Variants in GON4L observed in about 807,000 individuals in gnomAD.
GON4L encodes the protein gon-4 like, also known as GON-4-like protein.
Under a neutral mutation model 211.8 loss-of-function variants are expected in GON4L, and 87 were observed. That is an observed-to-expected ratio of 0.41 (90% CI 0.35 to 0.49). The LOEUF (loss-of-function observed/expected upper bound fraction) is 0.49, where lower values mean the gene tolerates loss of function less well. Among genes scored for constraint, GON4L ranks in the 20% least tolerant of loss-of-function variants. The pLI, the probability that GON4L is intolerant of heterozygous loss-of-function variation, is 0.15. For missense variants in GON4L, 2,155 were observed against 2,659.5 expected (o/e 0.81, Z 4.17); for synonymous variants, 875 against 962.6 (o/e 0.91, Z 1.68).
intron 18 of GON4L, among the ~76,000 whole-genome samples, chr1:155,772,089 G>T (rs897022478): frequency 3.3e-5 from 5 of 151,922 alleles, no homozygotes; most frequent in African/African-American, 1.2e-4. Flanking sequence ...GGGGGCGAAG[G>T]TTGCAGTGAG....
At chr1:155,791,504 AAACTT>A (rs1665554887) in intron 12 of GON4L, among the ~76,000 whole-genome samples, 1 of 151,890 alleles carries the variant, frequency 6.6e-6, no homozygotes, top group Non-Finnish European at 1.5e-5. Context: ...AAAAAAAAAA[AAACTT>A]AAGAAACATC....
chr1:155,790,761 T>C (rs1282967167), intron 12 of GON4L, among the ~76,000 whole-genome samples: 12 of 150,328 alleles, frequency 8.0e-5, no homozygotes, highest in African/African-American at 2.4e-4. Flanking sequence ...CTGGCCAACA[T>C]GGTGAAACCC....
At chr1:155,748,272 T>A (rs141396002), downstream of GON4L, 385 of 1,238,824 alleles carry the variant, frequency 3.1e-4, 2 homozygotes, top group East Asian at 8.6e-3. Context: ...CACTGTCCTA[T>A]GCTTGTCCAG....
At chr1:155,790,380 G>T (rs1370939212) in intron 12 of GON4L, among the ~76,000 whole-genome samples, 3 of 142,386 alleles carry the variant, frequency 2.1e-5, no homozygotes, top group African/African-American at 7.9e-5. Flanking sequence ...TTACAGGCGT[G>T]AGCCACCATG....
chr1:155,788,761 TGTGA>T (rs1665207074), intron 12 of GON4L, among the ~76,000 whole-genome samples: 2 of 152,098 alleles, frequency 1.3e-5, no homozygotes, highest in Admixed American at 1.3e-4. Context: ...ATTCCATTTA[TGTGA>T]GGTTCTAAAA....
downstream of GON4L, chr1:155,745,745 C>T (rs555186265): frequency 4.8e-6 from 5 of 1,041,020 alleles, no homozygotes; most frequent in South Asian, 3.1e-5. Flanking sequence ...CAGTATAACA[C>T]CCGCCCACGC....
chr1:155,834,381 T>C (rs1670102265), intron 2 of GON4L, among the ~76,000 whole-genome samples: 1 of 152,214 alleles, frequency 6.6e-6, no homozygotes, highest in African/African-American at 2.4e-5. Flanking sequence ...TTGTCTTCAA[T>C]CCACTGCTCT....
In GON4L at chr1:155,776,416, G is replaced by A. The variant is rs997858143; in HGVS notation, c.2157C>T (p.Ala719=). Residue 719 remains alanine (A), a synonymous_variant, in exon 16 of 32, where the codon GCC becomes GCT. Coordinates refer to ENST00000368331, the MANE Select transcript of GON4L (RefSeq NM_001282860.2). ...ATCNPNLNPE[A]TTTRIFLKEL... Reference sequence around the variant, plus strand: ...TTACAAGAAATATCCTGGTGGTAGTGGCCTCCGGATTGAGGTTGGGGTTGC... The same window carrying A: ...TTACAAGAAATATCCTGGTGGTAGTAGCCTCCGGATTGAGGTTGGGGTTGC... 1 of 1,610,268 alleles carries A rather than the reference G, an allele frequency of 6.2e-7. No individual in the cohort carries two copies.
chr1:155,747,018 G>A (rs544972619), downstream of GON4L: 25 of 1,599,026 alleles, frequency 1.6e-5, no homozygotes, highest in Middle Eastern at 1.6e-4. Context: ...ACTGCGACTC[G>A]GTGAACAGAA....
chr1:155,829,110 T>C (rs1208482508), intron 2 of GON4L, among the ~76,000 whole-genome samples: 4 of 152,194 alleles, frequency 2.6e-5, no homozygotes. Context: ...GCAGTAGCAT[T>C]GTTATAGCTT....
chr1:155,765,166 C>T lies in GON4L; in HGVS notation c.4307G>A (p.Ser1436Asn). Residue 1436 changes from serine to asparagine, a missense_variant, in exon 21 of 32, where the codon AGT (serine) becomes AAT (asparagine). By Grantham distance (46) the Ser-to-Asn change is conservative. Coordinates refer to ENST00000368331, the MANE Select transcript of GON4L (RefSeq NM_001282860.2). ...SPPGKPEDSS[S>N]VDGQSVGTPV... ...AGTCCCCACTGACTGACCATCAACA[C>T]TGGATGAATCTTCTGGCTTCCCTGG... is the stretch of plus-strand genomic sequence containing the variant. 6.2e-7 allele frequency: 1 copy of T among 1,614,230 alleles called. No homozygotes were observed. Among genetic ancestry groups the T allele is most frequent in the Non-Finnish European group, 8.5e-7 (1 of 1,180,046 alleles).
intron 11 of GON4L, among the ~76,000 whole-genome samples, chr1:155,797,662 G>T (rs1451743721): frequency 1.7e-5 from 2 of 119,598 alleles, no homozygotes; most frequent in Admixed American, 1.7e-4. Flanking sequence ...TGGCCAACAT[G>T]GTGAGACCCC....
chr1:155,812,019 C>A (rs1471051529), intron 10 of GON4L, among the ~76,000 whole-genome samples: 1 of 151,836 alleles, frequency 6.6e-6, no homozygotes, highest in African/African-American at 2.4e-5. Context: ...CCACTGCACT[C>A]CAGCCTGGGC....
At chr1:155,794,692 T>C (rs533703047) in intron 12 of GON4L, among the ~76,000 whole-genome samples, 1 of 152,196 alleles carries the variant, frequency 6.6e-6, no homozygotes, top group Non-Finnish European at 1.5e-5. Context: ...TTTTAGGTCA[T>C]TATTATACCT....
intron 8 of GON4L, 144 bp downstream of exon 8, chr1:155,815,661 A>G: frequency 1.5e-6 from 1 of 672,206 alleles, no homozygotes; most frequent in African/African-American, 1.8e-5. Context: ...TTAAGGGAGT[A>G]TAAAGGGCAG....
rs965952837 is a variant in GON4L, at chr1:155,763,395, G to A, written c.4643C>T (p.Ala1548Val). The change falls in exon 22 of 32, where the codon GCA becomes GTA. Residue 1548 changes from alanine to valine, a missense_variant. Transcript: ENST00000368331. ...AGGCTTCTCAGCAGAGTCTCCAACTGCTTCATCCGTCATTTCATCCTCTTT... is the reference window on the plus strand; with the variant it reads ...AGGCTTCTCAGCAGAGTCTCCAACTACTTCATCCGTCATTTCATCCTCTTT... Reference protein sequence around the residue: ...LQKEDEMTDEAVGDSAEKPPT... With the variant: ...LQKEDEMTDEVVGDSAEKPPT... 1 of 1,607,988 alleles carries A rather than the reference G, an allele frequency of 6.2e-7. No homozygotes were observed. The highest frequency in any genetic ancestry group is 1.1e-5 in the South Asian group (1 of 89,950).
chr1:155,778,684 A>T (rs1309591185), intron 14 of GON4L, among the ~76,000 whole-genome samples: 1 of 152,172 alleles, frequency 6.6e-6, no homozygotes, highest in Non-Finnish European at 1.5e-5. Flanking sequence ...CTGCATTAGC[A>T]GTTTATCCTG....
At chr1:155,758,428 G>A (rs1367940898) in intron 24 of GON4L, among the ~76,000 whole-genome samples, 1 of 152,200 alleles carries the variant, frequency 6.6e-6, no homozygotes, top group Non-Finnish European at 1.5e-5. Context: ...GATCGCTTAA[G>A]GCCAGGAGTT....
chr1:155,795,177 C>A, intron 11 of GON4L, 26 bp from the exon 12 acceptor site: 1 of 1,148,198 alleles, frequency 8.7e-7, no homozygotes, highest in South Asian at 1.2e-5. Flanking sequence ...GTTTCAGATG[C>A]TCATTAACTC....
Sources: gnomAD v4.1 joint callset for allele counts (sites outside exome capture counted in the v4.1 genomes callset) on GRCh38, gnomAD v4.1.1 for gene constraint, MANE v1.5 for transcripts, NCBI Gene and HGNC (gene_info 2026-07-23, HGNC 2026-07-21) for gene names.